Variants in CPD observed in about 807,000 individuals in gnomAD.
The protein encoded by CPD is carboxypeptidase D.
CPD carries 69 observed loss-of-function variants against 138.3 expected under a neutral mutation model. The ratio of observed to expected loss-of-function variants is 0.50; its 90% confidence interval spans 0.41 to 0.61. The LOEUF is 0.61. Among genes scored for constraint, CPD ranks in the 20% least tolerant of loss-of-function variants. CPD has a pLI of 0.00. For synonymous variants in CPD, 651 were observed against 642.1 expected (o/e 1.01, Z -0.21); for missense variants, 1,432 against 1,733.3 (o/e 0.83, Z 3.09).
chr17:30,405,734 C>T (rs1473794292), intron 2 of CPD, among the ~76,000 whole-genome samples: 1 of 152,034 alleles, frequency 6.6e-6, no homozygotes, highest in East Asian at 1.9e-4. Flanking sequence ...CCCTCTTAAA[C>T]CACTCTTATT....
rs535592540 is a variant in CPD at position 30,446,897 on chromosome 17, G to C, written c.2873+877G>C. Among the ~76,000 whole-genome samples, 231 of 152,298 alleles carry C rather than the reference G, an allele frequency of 1.5e-3. 2 individuals are homozygous for C. Among genetic ancestry groups the C allele is most frequent in the Admixed American group, 2.5e-3 (39 of 15,302 alleles). On this transcript the variant is annotated intron_variant, in intron 12 of 20. Coordinates refer to ENST00000225719, the MANE Select transcript of CPD (RefSeq NM_001304.5). Reference sequence around the variant, plus strand: ...CTGATGTGAGATGGTATCTCACTGTGGTTTTGATTTGCATTCTCTGATGGC... The same window carrying C: ...CTGATGTGAGATGGTATCTCACTGTCGTTTTGATTTGCATTCTCTGATGGC...
At chr17:30,448,623 A>T (rs1265543987) in intron 12 of CPD, among the ~76,000 whole-genome samples, 1 of 152,132 alleles carries the variant, frequency 6.6e-6, no homozygotes, top group Non-Finnish European at 1.5e-5. Flanking sequence ...CAATTCTTGT[A>T]AATCTCCCTT....
intron 6 of CPD, among the ~76,000 whole-genome samples, chr17:30,424,756 T>G (rs1199980136): frequency 6.6e-6 from 1 of 152,210 alleles, no homozygotes; most frequent in Non-Finnish European, 1.5e-5. Context: ...CAGCAGACCC[T>G]TATGCACAAC....
chr17:30,418,886 G>A (rs1363509317), intron 2 of CPD, among the ~76,000 whole-genome samples: 2 of 152,112 alleles, frequency 1.3e-5, no homozygotes, highest in Non-Finnish European at 2.9e-5. Flanking sequence ...ATTCAAAATG[G>A]CATTGGTTAG....
intron 2 of CPD, among the ~76,000 whole-genome samples, chr17:30,386,223 A>G (rs1009276726): frequency 6.6e-6 from 1 of 152,018 alleles, no homozygotes; most frequent in African/African-American, 2.4e-5. Flanking sequence ...GAGATGGGGT[A>G]TCGCTGTGTT....
Position 30,379,526 on chromosome 17 carries a change from C to CA in CPD, c.548dup (p.Asn183LysfsTer29). 1 of 1,567,398 alleles carries CA rather than the reference C, an allele frequency of 6.4e-7. No homozygotes were observed. The highest frequency in any genetic ancestry group is 8.6e-7 in the Non-Finnish European group (1 of 1,162,356). On this transcript the variant is annotated frameshift_variant, in exon 1 of 21. Transcript: ENST00000225719. LOFTEE classifies it high-confidence loss of function. The surrounding 1 kb of genome is among the most constrained non-coding windows in gnomAD (Gnocchi z 7.0). ...CCGACGTGTACCTGCTGCCCAGCCT[C>CA]AACCCCGATGGCTTCGAGCGTGCCC...
intron 12 of CPD, among the ~76,000 whole-genome samples, chr17:30,448,519 C>T (rs1364242043): frequency 6.6e-6 from 1 of 152,120 alleles, no homozygotes; most frequent in Non-Finnish European, 1.5e-5. Flanking sequence ...AGGTGGTACA[C>T]CAACAGGCAC....
intron 2 of CPD, among the ~76,000 whole-genome samples, chr17:30,406,486 A>C (rs1911803321): frequency 6.6e-6 from 1 of 152,146 alleles, no homozygotes; most frequent in South Asian, 2.1e-4. Flanking sequence ...GTGTCATTAG[A>C]TGGAATTCAC....
intron 1 of CPD, among the ~76,000 whole-genome samples, chr17:30,384,538 T>C (rs1911130517): frequency 6.6e-6 from 1 of 152,208 alleles, no homozygotes; most frequent in South Asian, 2.1e-4. Flanking sequence ...TAGTGGCTCA[T>C]GCCTCTAATC....
intron 7 of CPD, among the ~76,000 whole-genome samples, chr17:30,429,386 T>G (rs1481658611): frequency 6.6e-6 from 1 of 152,040 alleles, no homozygotes; most frequent in East Asian, 1.9e-4. Flanking sequence ...TGGTGAGAGG[T>G]AGGAATCTTC....
chr17:30,446,570 T>C (rs1746247070), intron 12 of CPD, among the ~76,000 whole-genome samples: 1 of 152,234 alleles, frequency 6.6e-6, no homozygotes, highest in African/African-American at 2.4e-5. Flanking sequence ...TAATCCAGTC[T>C]ATCATTGATG....
chr17:30,462,059 A>G lies in CPD; in HGVS notation c.3813A>G (p.Ser1271=). The change falls in exon 19 of 21, where the codon TCA becomes TCG. Residue 1271 remains serine, a synonymous_variant. Transcript: ENST00000225719. ...CTGATGGGTACCAGCAACAACATTCACAGGTAAGAAACTCAAATTGAGTAG... is the reference window on the plus strand; with the variant it reads ...CTGATGGGTACCAGCAACAACATTCGCAGGTAAGAAACTCAAATTGAGTAG... The part of the protein sequence containing the change: ...AIADGYQQQH[S]QVFVHHDAAS... The G allele has an allele frequency of 6.2e-7, 1 of 1,605,164 alleles. No individual in the cohort carries two copies.
Position 30,436,254 on chromosome 17 carries a change from C to T in CPD, c.2128-2721C>T, listed in dbSNP as rs115880310. On this transcript the variant is annotated intron_variant, in intron 8 of 20. Coordinates refer to ENST00000225719, the MANE Select transcript of CPD (RefSeq NM_001304.5). ...CTTGAGCCCAAGAAGTAGAGGCTAT[C>T]GTGAGCTATGATCATGCCACTGCAC... Among the ~76,000 whole-genome samples, 5 of 152,086 alleles carry T rather than the reference C, an allele frequency of 3.3e-5. 1 individual carries two copies. Among genetic ancestry groups the T allele is most frequent in the African/African-American group, 1.2e-4 (5 of 41,502 alleles).
intron 2 of CPD, 31 bp from the exon 3 acceptor site, chr17:30,420,809 CT>C: frequency 6.3e-7 from 1 of 1,574,812 alleles, no homozygotes; most frequent in Non-Finnish European, 8.7e-7. Context: ...TATTTTCCTT[CT>C]GAGAGTAAAC....
At chr17:30,446,638 G>A (rs958841003) in intron 12 of CPD, among the ~76,000 whole-genome samples, 12 of 152,102 alleles carry the variant, frequency 7.9e-5, no homozygotes, top group Non-Finnish European at 1.0e-4. Context: ...ATAAACATAC[G>A]TGTGCATGTG....
chr17:30,436,217 G>A (rs1232586500), intron 8 of CPD, among the ~76,000 whole-genome samples: 1 of 152,090 alleles, frequency 6.6e-6, no homozygotes, highest in Non-Finnish European at 1.5e-5. Context: ...GGAGGCTGAG[G>A]CCGAAGGATT....
chr17:30,461,932 A>C lies in CPD; in HGVS notation c.3686A>C (p.Lys1229Thr). 6.2e-7 allele frequency: 1 copy of C among 1,613,188 alleles called. No homozygotes were observed. The highest frequency in any genetic ancestry group is 8.5e-7 in the Non-Finnish European group (1 of 1,179,618). The change falls in exon 19 of 21, where the codon AAA (lysine) becomes ACA (threonine). Residue 1229 changes from lysine (K) to threonine (T), a missense_variant. This residue lies in a region of CPD where 366 missense variants were observed against 518.8 expected (regional missense o/e 0.71). Transcript: ENST00000225719. ...GATAAGACTGGAAAGCCAATCTCTA[A>C]AGCAGTCATTGTACTTAATGAAGGA... ...VKDKTGKPIS[K>T]AVIVLNEGIK...
At chr17:30,422,356 T>C (rs1483500091) in intron 4 of CPD, among the ~76,000 whole-genome samples, 1 of 152,180 alleles carries the variant, frequency 6.6e-6, no homozygotes, top group African/African-American at 2.4e-5. Flanking sequence ...TATCCCTTCT[T>C]TGAGTACTGT....
At chr17:30,421,523 A>G (rs1334184010) in intron 3 of CPD, 141 bp from the exon 4 acceptor site, 1 of 689,492 alleles carries the variant, frequency 1.5e-6, no homozygotes, top group Non-Finnish European at 2.5e-6. Context: ...TTTTATTTAA[A>G]CTTCAAGGGA....
Sources: gnomAD v4.1 joint callset for allele counts (sites outside exome capture counted in the v4.1 genomes callset) on GRCh38, gnomAD v4.1.1 for gene constraint, gnomAD v4.1.1 regional missense constraint, Gnocchi (gnomAD v3.1) non-coding constraint, MANE v1.5 for transcripts, NCBI Gene and HGNC (gene_info 2026-07-23, HGNC 2026-07-21) for gene names.